PLCL1: variants seen among roughly 807,000 people sequenced by gnomAD.
The protein encoded by PLCL1 is phospholipase C like 1 (inactive), also known as inactive phospholipase C-like protein 1.
A neutral mutation model predicts 84.4 loss-of-function variants in PLCL1; 41 were observed. That is an observed-to-expected ratio of 0.49 (90% CI 0.38 to 0.63). The LOEUF (loss-of-function observed/expected upper bound fraction) is 0.63. Ranked by LOEUF, PLCL1 falls within the 30% of genes least tolerant of loss-of-function variation. PLCL1 has a pLI of 0.00. For missense variants in PLCL1, 1,206 were observed against 1,367.8 expected, an observed-to-expected ratio of 0.88 and a Z score of 1.87; for synonymous variants, 490 against 488.3, an observed-to-expected ratio of 1.00 and a Z score of -0.05.
At chr2:198,011,300 T>C (rs1406581493) in intron 1 of PLCL1, among the ~76,000 whole-genome samples, 1 of 152,058 alleles carries the variant, frequency 6.6e-6, no homozygotes, top group Non-Finnish European at 1.5e-5. Context: ...ATAAGTTTTG[T>C]ATGTTGTGTT....
chr2:198,121,723 T>C (rs1487870572), intron 5 of PLCL1, among the ~76,000 whole-genome samples: 1 of 152,092 alleles, frequency 6.6e-6, no homozygotes, highest in African/African-American at 2.4e-5. Flanking sequence ...GTCTTATAAT[T>C]TGAAGAACCT....
intron 1 of PLCL1, among the ~76,000 whole-genome samples, chr2:197,972,908 C>T (rs1015866142): frequency 1.3e-5 from 2 of 152,158 alleles, no homozygotes; most frequent in East Asian, 1.9e-4. Context: ...CACTTTGAAG[C>T]CTTTGCATGG....
intron 3 of PLCL1, among the ~76,000 whole-genome samples, chr2:198,090,299 C>A (rs1692989880): frequency 6.6e-6 from 1 of 152,058 alleles, no homozygotes; most frequent in Non-Finnish European, 1.5e-5. Context: ...AATTACATTT[C>A]TATGAATATG....
At chr2:197,882,052 G>C (rs1687839710) in intron 1 of PLCL1, among the ~76,000 whole-genome samples, 1 of 152,078 alleles carries the variant, frequency 6.6e-6, no homozygotes, top group African/African-American at 2.4e-5. Context: ...GGTTGGGAAA[G>C]GTAAGAGATG....
rs920189521 is a variant in PLCL1 at position 197,871,489 on chromosome 2, G to A, written c.240+66150G>A. On this transcript the variant is annotated intron_variant, in intron 1 of 5. Transcript: ENST00000428675. ...GAGGGGAGTGCCTTAGTTTCCTAGG[G>A]CTGCTGTAACAAATTACCACACCCT... Among the ~76,000 whole-genome samples, 110 of 152,188 alleles carry A rather than the reference G, an allele frequency of 7.2e-4. 1 individual carries two copies. Among genetic ancestry groups the A allele is most frequent in the African/African-American group, 2.6e-3 (108 of 41,538 alleles).
At chr2:197,989,587 T>C (rs1690294091) in intron 1 of PLCL1, among the ~76,000 whole-genome samples, 1 of 152,094 alleles carries the variant, frequency 6.6e-6, no homozygotes, top group Non-Finnish European at 1.5e-5. Context: ...TAAAAGTGTT[T>C]TGGTTACTCT....
At position 197,890,701 on chromosome 2, in the gene PLCL1, T is replaced by TATATACAC. The variant is rs11270566; in HGVS notation, c.240+85363_240+85364insTATACACA. 2.2e-4 allele frequency among the ~76,000 whole-genome samples: 26 copies of TATATACAC among 118,564 alleles called. 2 individuals carry two copies. Among genetic ancestry groups the TATATACAC allele is most frequent in the African/African-American group, 9.5e-4 (25 of 26,220 alleles). 77.8% of individuals were successfully genotyped at this position (118,564 alleles called of 152,430 possible). A position where few individuals can be genotyped will look rare whatever the true frequency, so the allele number is the denominator to read the frequency against. On this transcript the variant is annotated intron_variant, in intron 1 of 5. Transcript: ENST00000428675. ...TTTTTGCTATATATATATATATATA[T>TATATACAC]ACACACACACATATACGTATATATG... is the stretch of plus-strand genomic sequence containing the variant.
At chr2:198,111,681 G>C (rs905733787) in intron 5 of PLCL1, among the ~76,000 whole-genome samples, 4 of 151,740 alleles carry the variant, frequency 2.6e-5, no homozygotes, top group South Asian at 2.1e-4. Flanking sequence ...TTACAGATAG[G>C]GGAAATGAGG....
chr2:197,826,400 G>T (rs930486252), intron 1 of PLCL1, among the ~76,000 whole-genome samples: 2 of 152,074 alleles, frequency 1.3e-5, no homozygotes, highest in African/African-American at 4.8e-5. Flanking sequence ...ATTGAAAATT[G>T]AGTTGATATA....
intron 1 of PLCL1, among the ~76,000 whole-genome samples, chr2:197,998,729 A>G (rs1690527690): frequency 6.6e-6 from 1 of 152,074 alleles, no homozygotes; most frequent in Admixed American, 6.5e-5. Context: ...TCAACTCTCC[A>G]CAGTTAGCAT....
At chr2:197,958,918 A>G (rs57669318) in intron 1 of PLCL1, among the ~76,000 whole-genome samples, 2 of 151,560 alleles carry the variant, frequency 1.3e-5, no homozygotes, top group African/African-American at 4.8e-5. Flanking sequence ...ACTAATCTGT[A>G]TTGCCTCTTA....
At chr2:198,108,004 C>T (rs775088329) in intron 5 of PLCL1, among the ~76,000 whole-genome samples, 1 of 151,848 alleles carries the variant, frequency 6.6e-6, no homozygotes, top group African/African-American at 2.4e-5. Context: ...AGAGCCTGGG[C>T]TCTGTTGGAG....
rs372588787 is a variant in PLCL1, at chr2:198,034,169, G to A, written c.241-49589G>A. Among the ~76,000 whole-genome samples, 134 of 138,038 alleles carry A rather than the reference G, an allele frequency of 9.7e-4. No individual in the cohort carries two copies. The Middle Eastern group carries it at 0.011, about 11-fold the overall frequency. The allele number at this position is 138,038 out of a possible 152,430, so 90.6% of individuals were successfully genotyped here. On this transcript the variant is annotated intron_variant, in intron 1 of 5. Coordinates refer to ENST00000428675, the MANE Select transcript of PLCL1 (RefSeq NM_006226.4). ...CTCCCCTCACCCCACAACAGGCCCC[G>A]GTGTGTGATGTCCCCCTTCCTGTGT...
chr2:197,885,373 G>C (rs1687901459), intron 1 of PLCL1, among the ~76,000 whole-genome samples: 2 of 152,288 alleles, frequency 1.3e-5, no homozygotes, highest in South Asian at 4.1e-4. Context: ...GAAGGCAAGG[G>C]AAGATGAAAT....
intron 1 of PLCL1, among the ~76,000 whole-genome samples, chr2:198,018,756 A>T (rs1002030135): frequency 1.3e-5 from 2 of 152,204 alleles, no homozygotes; most frequent in African/African-American, 4.8e-5. Flanking sequence ...TAAAACTCCC[A>T]TCTCCCTGGG....
At chr2:197,986,200 C>T (rs201371024) in intron 1 of PLCL1, among the ~76,000 whole-genome samples, 40 of 152,140 alleles carry the variant, frequency 2.6e-4, no homozygotes, top group Admixed American at 1.3e-3. Flanking sequence ...GATTGTAACC[C>T]GATATTACTA....
intron 5 of PLCL1, among the ~76,000 whole-genome samples, chr2:198,125,792 AC>A (rs1199006595): frequency 2.6e-5 from 4 of 152,160 alleles, no homozygotes; most frequent in African/African-American, 9.7e-5. Flanking sequence ...TAGTACTAAA[AC>A]ATCCTCTGGC....
intron 1 of PLCL1, among the ~76,000 whole-genome samples, chr2:197,950,940 G>A (rs1380363901): frequency 2.6e-5 from 4 of 152,164 alleles, no homozygotes; most frequent in South Asian, 4.2e-4. Flanking sequence ...AATAATTCTC[G>A]CCTGAGGGCT....
chr2:197,946,816 A>G (rs1244151642), intron 1 of PLCL1, among the ~76,000 whole-genome samples: 1 of 152,222 alleles, frequency 6.6e-6, no homozygotes, highest in Non-Finnish European at 1.5e-5. Context: ...TGAGCCAAGC[A>G]TGTTCAACAT....
Sources: gnomAD v4.1 joint callset for allele counts (sites outside exome capture counted in the v4.1 genomes callset) on GRCh38, gnomAD v4.1.1 for gene constraint, MANE v1.5 for transcripts, NCBI Gene and HGNC (gene_info 2026-07-23, HGNC 2026-07-21) for gene names.